NFATC1: variants seen among roughly 807,000 people sequenced by gnomAD.
NFATC1 encodes nuclear factor of activated T cells 1, also known as nuclear factor of activated T-cells, cytoplasmic 1.
A neutral mutation model predicts 76.0 loss-of-function variants in NFATC1; 22 were observed. That is an observed-to-expected ratio of 0.29 (90% CI 0.21 to 0.41). The LOEUF is 0.41. Ranked by LOEUF, NFATC1 falls within the 10% of genes least tolerant of loss-of-function variation. NFATC1 has a pLI of 1.00. For missense variants in NFATC1, 1,357 were observed against 1,337.7 expected, an observed-to-expected ratio of 1.01 and a Z score of -0.23; for synonymous variants, 704 against 613.1, an observed-to-expected ratio of 1.15 and a Z score of -2.19.
rs747274475 is a variant in NFATC1, at chr18:79,467,544, G to A, written c.2054G>A (p.Arg685Gln). Residue 685 changes from arginine (R) to glutamine (Q), a missense_variant, in exon 8 of 10, where the codon CGA becomes CAA. Coordinates refer to ENST00000427363, the MANE Select transcript of NFATC1 (RefSeq NM_001278669.2). ...TACGTCTGCAACGGGAAGAGAAAGC[G>A]AAGCCAGTACCAGCGTTTCACCTAC... Reference protein sequence around the residue: ...SFYVCNGKRKRSQYQRFTYLP... With the variant: ...SFYVCNGKRKQSQYQRFTYLP... 21 of 1,613,874 alleles carry A rather than the reference G, an allele frequency of 1.3e-5. No individual in the cohort carries two copies. The highest frequency in any genetic ancestry group is 1.2e-4 in the South Asian group (11 of 91,090).
chr18:79,462,430 G>A (rs569143137), intron 7 of NFATC1, among the ~76,000 whole-genome samples: 13 of 152,180 alleles, frequency 8.5e-5, no homozygotes, highest in South Asian at 2.1e-4. Flanking sequence ...TCCACCTCCC[G>A]AGTAGCTGGG....
chr18:79,467,292 C>T (rs1391220699), intron 7 of NFATC1, among the ~76,000 whole-genome samples, 158 bp from the exon 8 acceptor site: 1 of 145,436 alleles, frequency 6.9e-6, no homozygotes, highest in Non-Finnish European at 1.5e-5. Context: ...CAGTCCTGTG[C>T]TGCCGTGGAA....
At chr18:79,406,919 A>T (rs2085461474) in intron 1 of NFATC1, among the ~76,000 whole-genome samples, 1 of 151,964 alleles carries the variant, frequency 6.6e-6, no homozygotes, top group Admixed American at 6.5e-5. Context: ...TGGCACGGTC[A>T]CCCAGGCGTG....
chr18:79,426,652 G>A (rs1428060780), intron 2 of NFATC1, among the ~76,000 whole-genome samples: 7 of 152,264 alleles, frequency 4.6e-5, no homozygotes, highest in Non-Finnish European at 7.3e-5. Flanking sequence ...GAGTGTTGCC[G>A]GGGCGGGAAG....
chr18:79,410,853 A>G lies in NFATC1; in HGVS notation c.578A>G (p.Tyr193Cys), dbSNP rs2085646483. 7.5e-6 allele frequency: 12 copies of G among 1,609,918 alleles called. No individual in the cohort carries two copies. Among genetic ancestry groups the G allele is most frequent in the South Asian group, 1.1e-5 (1 of 90,768 alleles). ...NSEASSYESN[Y>C]SYPYASPQTS... Reference sequence around the variant, plus strand: ...GAGGCCTCCTCCTACGAGTCCAACTACTCGTACCCGTACGCGTCCCCCCAG... The same window carrying G: ...GAGGCCTCCTCCTACGAGTCCAACTGCTCGTACCCGTACGCGTCCCCCCAG... The change falls in exon 2 of 10, where the codon TAC becomes TGC. Residue 193 changes from tyrosine (Y) to cysteine (C), a missense_variant. Physicochemically the swap from Tyr to Cys is radical, Grantham distance 194 (BLOSUM62 -2). Coordinates refer to ENST00000427363, the MANE Select transcript of NFATC1 (RefSeq NM_001278669.2). The surrounding 1 kb of genome is among the most constrained non-coding windows in gnomAD (Gnocchi z 6.7).
intron 8 of NFATC1, among the ~76,000 whole-genome samples, chr18:79,473,302 G>C (rs2088860664): frequency 6.6e-6 from 1 of 152,260 alleles, no homozygotes; most frequent in Non-Finnish European, 1.5e-5. Context: ...GAGGGAGACA[G>C]CTTTTATTAA....
chr18:79,474,448 C>T (rs570128095), intron 8 of NFATC1, among the ~76,000 whole-genome samples: 10 of 148,240 alleles, frequency 6.7e-5, no homozygotes, highest in Non-Finnish European at 1.2e-4. Context: ...CGTGTTCTCG[C>T]GCTCACTGTC....
chr18:79,441,362 G>A (rs1232855789), intron 3 of NFATC1, among the ~76,000 whole-genome samples: 1 of 152,208 alleles, frequency 6.6e-6, no homozygotes, highest in Non-Finnish European at 1.5e-5. Flanking sequence ...TGGCTGCTGG[G>A]CGGGCAGCGC....
intron 6 of NFATC1, among the ~76,000 whole-genome samples, chr18:79,457,510 G>A (rs144957832): frequency 2.0e-5 from 3 of 152,286 alleles, no homozygotes; most frequent in East Asian, 3.9e-4. Context: ...GATCATACAC[G>A]ACAAAGTCAC....
intron 7 of NFATC1, among the ~76,000 whole-genome samples, chr18:79,462,555 C>T (rs949187634): frequency 4.6e-5 from 7 of 152,304 alleles, no homozygotes; most frequent in African/African-American, 1.2e-4. Flanking sequence ...CCGCCCGCCT[C>T]GGCCTCCCAA....
At chr18:79,518,197 T>A (rs1019402680) in intron 9 of NFATC1, among the ~76,000 whole-genome samples, 3 of 152,196 alleles carry the variant, frequency 2.0e-5, no homozygotes, top group African/African-American at 7.2e-5. Flanking sequence ...GGTGACCAGG[T>A]AGAGGCAGCT....
At position 79,467,591 on chromosome 18, in the gene NFATC1, A is replaced by T. The variant is rs113736099; in HGVS notation, c.2092+9A>T. On this transcript the variant is annotated intron_variant, in intron 8 of 9. Coordinates refer to ENST00000427363, the MANE Select transcript of NFATC1 (RefSeq NM_001278669.2). ...CTACCTTCCCGCCAACGGTAACGCC[A>T]TCTTTCTAACCGTAAGCCGTGAACA... 2.2e-5 allele frequency: 36 copies of T among 1,613,712 alleles called. No individual in the cohort carries two copies. Among genetic ancestry groups the T allele is most frequent in the Non-Finnish European group, 3.0e-5 (35 of 1,179,910 alleles).
At chr18:79,490,776 C>T (rs1256921388) in intron 9 of NFATC1, among the ~76,000 whole-genome samples, 1 of 152,098 alleles carries the variant, frequency 6.6e-6, no homozygotes, top group East Asian at 1.9e-4. Context: ...GGGAAGGGTC[C>T]CGGGTCAGGG....
At position 79,524,868 on chromosome 18, in the gene NFATC1, C is replaced by G. The variant is rs1161735600; in HGVS notation, c.2783-2660C>G. Among the ~76,000 whole-genome samples the G allele has an allele frequency of 6.6e-6, 1 of 152,038 alleles. No homozygotes were observed. The highest frequency in any genetic ancestry group is 6.5e-5 in the Admixed American group (1 of 15,268). On this transcript the variant is annotated intron_variant, in intron 9 of 9. Coordinates refer to ENST00000427363, the MANE Select transcript of NFATC1 (RefSeq NM_001278669.2). This position sits in a 1 kb window ranked among gnomAD's most constrained non-coding sequence, Gnocchi z 7.2. Reference sequence around the variant, plus strand: ...CCTTTCACCCTCAGCGACGCGCCCTCCTGTGCCCGCGGGGAACAAGACGGC... The same window carrying G: ...CCTTTCACCCTCAGCGACGCGCCCTGCTGTGCCCGCGGGGAACAAGACGGC...
chr18:79,415,707 C>T (rs1483938505), intron 2 of NFATC1, among the ~76,000 whole-genome samples: 1 of 152,172 alleles, frequency 6.6e-6, no homozygotes, highest in Admixed American at 6.5e-5. Context: ...ACAATGTTTA[C>T]TTAGAGTCCG....
intron 8 of NFATC1, among the ~76,000 whole-genome samples, chr18:79,484,736 G>T (rs1341290294): frequency 5.3e-5 from 8 of 152,230 alleles, no homozygotes; most frequent in Admixed American, 5.2e-4. Flanking sequence ...AGATCCTACA[G>T]CTGGGAACGG....
At chr18:79,462,574 G>C (rs141647741) in intron 7 of NFATC1, among the ~76,000 whole-genome samples, 8 of 152,194 alleles carry the variant, frequency 5.3e-5, no homozygotes, top group Non-Finnish European at 1.2e-4. Context: ...AAAGTGCTGG[G>C]ATTACAGGCA....
At chr18:79,449,980 C>T (rs945313470) in intron 4 of NFATC1, among the ~76,000 whole-genome samples, 3 of 152,236 alleles carry the variant, frequency 2.0e-5, no homozygotes, top group Non-Finnish European at 4.4e-5. Context: ...CATTCCAAAT[C>T]CCTGAGTTTG....
intron 2 of NFATC1, among the ~76,000 whole-genome samples, chr18:79,412,500 C>T (rs1163317877): frequency 1.3e-5 from 2 of 149,872 alleles, no homozygotes; most frequent in African/African-American, 2.5e-5. Context: ...ACTCAGGGGG[C>T]GAGACCCCGC....
Sources: allele counts gnomAD v4.1 joint callset (sites outside exome capture counted in the v4.1 genomes callset), GRCh38; gene constraint gnomAD v4.1.1; non-coding constraint Gnocchi (gnomAD v3.1); transcripts MANE v1.5; gene names NCBI Gene and HGNC (gene_info 2026-07-23, HGNC 2026-07-21).